Variants in CGNL1 observed in about 807,000 individuals in gnomAD.
CGNL1 encodes cingulin-like protein 1.
CGNL1 carries 132 observed loss-of-function variants against 141.2 expected under a neutral mutation model. That is an observed-to-expected ratio of 0.93 (90% confidence interval 0.81 to 1.08). The LOEUF (loss-of-function observed/expected upper bound fraction) is 1.08. Ranked by LOEUF, CGNL1 falls within the 50% of genes least tolerant of loss-of-function variation. The probability of loss-of-function intolerance (pLI) is 0.00; values close to 1 mark genes in which losing one functional copy is unlikely to be tolerated. For synonymous variants in CGNL1, 690 were observed against 622.1 expected (o/e 1.11, Z -1.63); for missense variants, 1,870 against 1,588.6 (o/e 1.18, Z -3.01).
intron 4 of CGNL1, among the ~76,000 whole-genome samples, chr15:57,449,204 T>G (rs548832606): frequency 8.5e-5 from 13 of 152,328 alleles, no homozygotes; most frequent in African/African-American, 2.9e-4. Flanking sequence ...CTTGCTCTGC[T>G]CATATACAGC....
At chr15:57,401,668 A>G (rs1237967047) in intron 1 of CGNL1, among the ~76,000 whole-genome samples, 2 of 152,214 alleles carry the variant, frequency 1.3e-5, no homozygotes, top group Non-Finnish European at 2.9e-5. Flanking sequence ...TCTACTACCA[A>G]TTCTTCTGAA....
At chr15:57,471,982 A>T (rs1335541398) in intron 8 of CGNL1, among the ~76,000 whole-genome samples, 1 of 152,114 alleles carries the variant, frequency 6.6e-6, no homozygotes, top group Admixed American at 6.5e-5. Flanking sequence ...TGCACCCTGT[A>T]GTCCTAGCTA....
chr15:57,440,707 A>G (rs1326047356), intron 3 of CGNL1, among the ~76,000 whole-genome samples: 1 of 152,114 alleles, frequency 6.6e-6, no homozygotes. Context: ...AAATGAATAC[A>G]TTTTTAAAGT....
At chr15:57,397,795 T>C (rs577409919) in intron 1 of CGNL1, among the ~76,000 whole-genome samples, 1 of 151,922 alleles carries the variant, frequency 6.6e-6, no homozygotes, top group African/African-American at 2.4e-5. Context: ...TCTTTTTTTT[T>C]TTTTGGAGAT....
intron 1 of CGNL1, among the ~76,000 whole-genome samples, chr15:57,427,830 A>T (rs564911536): frequency 3.3e-5 from 5 of 152,230 alleles, no homozygotes; most frequent in Non-Finnish European, 7.3e-5. Flanking sequence ...CTTTTGGAAC[A>T]TACATACCTT....
intron 8 of CGNL1, among the ~76,000 whole-genome samples, chr15:57,473,643 G>A (rs1288539254): frequency 6.6e-6 from 1 of 152,074 alleles, no homozygotes; most frequent in Non-Finnish European, 1.5e-5. Flanking sequence ...GCTTTCTCAT[G>A]GATCTCTTGC....
intron 1 of CGNL1, among the ~76,000 whole-genome samples, chr15:57,427,756 G>A (rs1340694610): frequency 7.4e-5 from 2 of 27,104 alleles, no homozygotes; most frequent in African/African-American, 1.0e-4. Flanking sequence ...TGGCATTGCT[G>A]GAATTCCACA....
At position 57,531,681 on chromosome 15, in the gene CGNL1, CCTTCTTAGGACAAGGTGTCTCAACTGG is replaced by C. The variant is rs772608539; in HGVS notation, c.3202-8_3220del. 2 of 1,594,540 alleles carry C rather than the reference CCTTCTTAGGACAAGGTGTCTCAACTGG, an allele frequency of 1.3e-6. No homozygotes were observed. The highest frequency in any genetic ancestry group is 2.2e-5 in the South Asian group (2 of 90,610). On this transcript the variant is annotated splice_acceptor_variant and splice_polypyrimidine_tract_variant and coding_sequence_variant and intron_variant, in exon 14 of 19. Transcript: ENST00000281282. LOFTEE classifies it high-confidence loss of function. ...GTTAAGTCAACTGTGTTTGTGATTT[CCTTCTTAGGACAAGGTGTCTCAACTGG>C]AGATGGAACTGGAAGAAGAGAGAAA...
chr15:57,537,134 C>T (rs529222840), intron 14 of CGNL1, among the ~76,000 whole-genome samples: 8 of 152,280 alleles, frequency 5.3e-5, no homozygotes, highest in Non-Finnish European at 7.4e-5. Context: ...CATGGGAAGG[C>T]GTTCTCTTGG....
In CGNL1 at chr15:57,544,716, C is replaced by A. The variant is rs548814057; in HGVS notation, c.3500+119C>A. On this transcript the variant is annotated intron_variant, in intron 16 of 18. Transcript: ENST00000281282. ...CTCGTAGCCTGTGAGGAAGGCAGAG[C>A]AACTACACCCTTACTTTTATTATTT... 4 of 1,145,432 alleles carry A rather than the reference C, an allele frequency of 3.5e-6. No homozygotes were observed. The South Asian group carries it at 4.7e-5, about 14-fold the overall frequency. 71.0% of individuals were successfully genotyped at this position (1,145,432 alleles called of 1,614,324 possible). A position where few individuals can be genotyped will look rare whatever the true frequency, so the allele number is the denominator to read the frequency against.
chr15:57,521,054 T>G (rs61406131), intron 10 of CGNL1, among the ~76,000 whole-genome samples: 297 of 152,340 alleles, frequency 1.9e-3, no homozygotes, highest in African/African-American at 6.7e-3. Flanking sequence ...AATTTTCATC[T>G]CATTATTCAT....
At chr15:57,428,695 T>C (rs1265904923) in intron 1 of CGNL1, among the ~76,000 whole-genome samples, 1 of 151,736 alleles carries the variant, frequency 6.6e-6, no homozygotes, top group Non-Finnish European at 1.5e-5. Context: ...AGATTTTTAC[T>C]GGAGGAAAAA....
chr15:57,463,882 A>G (rs192029711), intron 8 of CGNL1, among the ~76,000 whole-genome samples: 6 of 152,284 alleles, frequency 3.9e-5, no homozygotes, highest in Non-Finnish European at 8.8e-5. Flanking sequence ...CCTCTCTTTT[A>G]TGAACATGCC....
At chr15:57,423,041 A>G (rs2062933474) in intron 1 of CGNL1, among the ~76,000 whole-genome samples, 1 of 152,072 alleles carries the variant, frequency 6.6e-6, no homozygotes, top group Non-Finnish European at 1.5e-5. Context: ...TGTAGAGGAG[A>G]GGGAGAAGAA....
intron 1 of CGNL1, among the ~76,000 whole-genome samples, chr15:57,412,933 C>T (rs1451145226): frequency 1.3e-5 from 2 of 152,108 alleles, no homozygotes; most frequent in Non-Finnish European, 2.9e-5. Flanking sequence ...GATCTCGGCT[C>T]ACTGCAACTT....
At chr15:57,533,506 A>G (rs1255973784) in intron 14 of CGNL1, among the ~76,000 whole-genome samples, 1 of 152,240 alleles carries the variant, frequency 6.6e-6, no homozygotes, top group African/African-American at 2.4e-5. Flanking sequence ...GGATGTGACC[A>G]TGGATTTGTT....
intron 1 of CGNL1, among the ~76,000 whole-genome samples, chr15:57,386,842 G>C (rs2062489744): frequency 6.6e-6 from 1 of 152,162 alleles, no homozygotes; most frequent in African/African-American, 2.4e-5. Context: ...TGTAGCTTGT[G>C]TATTTTTACT....
intron 14 of CGNL1, 74 bp from the exon 15 acceptor site, chr15:57,543,622 C>T (rs1421431510): frequency 1.5e-6 from 2 of 1,351,874 alleles, no homozygotes; most frequent in Admixed American, 3.5e-5. Context: ...CATTCAGTTC[C>T]TTGCCACCAT....
rs559567588 is a variant in CGNL1, at chr15:57,535,376, C to A, written c.3291+3597C>A. On this transcript the variant is annotated intron_variant, in intron 14 of 18. Transcript: ENST00000281282. The stretch of plus-strand genomic sequence containing the variant: ...AATAGAAAACAGTGGATACTAAATG[C>A]CAAGTAAAAGATTCAAGCAGCTAAT... Among the ~76,000 whole-genome samples, 4 of 152,128 alleles carry A rather than the reference C, an allele frequency of 2.6e-5. No homozygotes were observed. In the South Asian group the frequency reaches 8.3e-4, roughly 32 times the overall value.
Sources: gnomAD v4.1 joint callset for allele counts (sites outside exome capture counted in the v4.1 genomes callset) on GRCh38, gnomAD v4.1.1 for gene constraint, MANE v1.5 for transcripts, NCBI Gene and HGNC (gene_info 2026-07-23, HGNC 2026-07-21) for gene names.